The following SUPT16H variants were observed in gnomAD, a reference collection of about 807,000 sequenced individuals.
SUPT16H encodes the protein FACT complex subunit SPT16.
SUPT16H carries 24 observed loss-of-function variants against 136.2 expected under a neutral mutation model. The observed-to-expected ratio is 0.18, with a 90% CI of 0.13 to 0.25. The LOEUF is 0.25. SUPT16H is among the 10% of genes least tolerant of loss of function. The probability of loss-of-function intolerance (pLI) is 1.00; values close to 1 mark genes in which losing one functional copy is unlikely to be tolerated. For synonymous variants in SUPT16H, 415 were observed against 428.2 expected (o/e 0.97, Z 0.38); for missense variants, 623 against 1,270.2 (o/e 0.49, Z 7.74).
intron 1 of SUPT16H, 152 bp downstream of exon 1, chr14:21,383,710 C>A (rs764348598): frequency 1.2e-6 from 1 of 853,298 alleles, no homozygotes. Context: ...GCGTTCGTGG[C>A]CGCCTCCGGT....
chr14:21,378,706 T>C (rs567786377), intron 1 of SUPT16H, among the ~76,000 whole-genome samples: 1 of 152,266 alleles, frequency 6.6e-6, no homozygotes, highest in East Asian at 1.9e-4. Flanking sequence ...CGTTAAAAAT[T>C]CACAAATCAA....
Position 21,369,404 on chromosome 14 carries a change from G to C in SUPT16H, c.631-49C>G, listed in dbSNP as rs1348382400. 1.9e-6 allele frequency: 3 copies of C among 1,610,020 alleles called. No individual in the cohort carries two copies. In the Admixed American group the frequency reaches 5.0e-5, roughly 27 times the overall value. On this transcript the variant is annotated intron_variant, in intron 5 of 25. Transcript: ENST00000216297. The stretch of plus-strand genomic sequence containing the variant: ...GTAACACTTACTAGAGGGTAGCAAA[G>C]CGGGGTGTGTGGACACTATGATTTG...
intron 7 of SUPT16H, 124 bp from the exon 8 acceptor site, chr14:21,366,653 T>C: frequency 3.0e-6 from 2 of 663,816 alleles, no homozygotes; most frequent in Non-Finnish European, 4.6e-6. Flanking sequence ...AACAGTCCAC[T>C]CACTTTTTTT....
At chr14:21,376,449 A>C (rs1886903302) in intron 1 of SUPT16H, among the ~76,000 whole-genome samples, 1 of 152,150 alleles carries the variant, frequency 6.6e-6, no homozygotes, top group Admixed American at 6.6e-5. Context: ...GTTAATAAGG[A>C]TATATGATAG....
chr14:21,352,488 G>A lies in SUPT16H; in HGVS notation c.*185C>T, dbSNP rs1200213223. On this transcript the variant is annotated 3_prime_UTR_variant, in exon 26 of 26. Transcript: ENST00000216297. ...CCTTGCCATCTGAATGGGGCCATTG[G>A]CACGTGTCCTGGTGGGCCTGGAATT... The A allele has an allele frequency of 3.4e-6, 3 of 870,984 alleles. No individual in the cohort carries two copies. In the Admixed American group the frequency reaches 7.2e-5, roughly 21 times the overall value. The allele number at this position is 870,984 out of a possible 1,614,324, so 54.0% of individuals were successfully genotyped here.
At chr14:21,377,269 T>A (rs187619490) in intron 1 of SUPT16H, among the ~76,000 whole-genome samples, 1 of 152,184 alleles carries the variant, frequency 6.6e-6, no homozygotes, top group East Asian at 1.9e-4. Flanking sequence ...AAGAGACATA[T>A]CAAAGCACAT....
intron 8 of SUPT16H, among the ~76,000 whole-genome samples, chr14:21,366,104 A>C (rs1009974727): frequency 6.6e-6 from 1 of 152,198 alleles, no homozygotes; most frequent in Non-Finnish European, 1.5e-5. Context: ...GTCTCTAAAT[A>C]AAATATTAGG....
At chr14:21,383,540 A>G in intron 1 of SUPT16H, 2 of 665,614 alleles carry the variant, frequency 3.0e-6, no homozygotes, top group East Asian at 2.7e-5. Flanking sequence ...AGGGGAGGGC[A>G]GCAAGACGTG....
rs114553336 is a variant in SUPT16H at position 21,368,653 on chromosome 14, G to C, written c.783-212C>G. ...AAAAGTCAGTGACCAAAACTTTTAG[G>C]ATAAAAATTCAGTGAGTAAGTGAGT... On this transcript the variant is annotated intron_variant, in intron 6 of 25. Transcript: ENST00000216297. 4.7e-3 allele frequency among the ~76,000 whole-genome samples: 723 copies of C among 152,218 alleles called. 7 individuals are homozygous for C. Among genetic ancestry groups the C allele is most frequent in the African/African-American group, 0.017 (689 of 41,514 alleles).
Position 21,370,254 on chromosome 14 carries a change from C to T in SUPT16H, c.483+82G>A, listed in dbSNP as rs975074430. On this transcript the variant is annotated intron_variant, in intron 4 of 25. Coordinates refer to ENST00000216297, the MANE Select transcript of SUPT16H (RefSeq NM_007192.4). The stretch of plus-strand genomic sequence containing the variant: ...AAACATACAGTTTTCCCAAAACAAA[C>T]GTCCTGCACTATCTGTTATGGAAGC... 4.6e-5 allele frequency: 68 copies of T among 1,479,364 alleles called. No homozygotes were observed. In the East Asian group the frequency reaches 1.1e-3, roughly 23 times the overall value. The allele number at this position is 1,479,364 out of a possible 1,614,324, so 91.6% of individuals were successfully genotyped here.
intron 8 of SUPT16H, among the ~76,000 whole-genome samples, 184 bp from the exon 9 acceptor site, chr14:21,365,327 A>C (rs1472183496): frequency 6.6e-6 from 1 of 152,240 alleles, no homozygotes; most frequent in African/African-American, 2.4e-5. Flanking sequence ...CATGCTGTAT[A>C]ATCCCATGGC....
chr14:21,368,059 G>A (rs934076161), intron 7 of SUPT16H, among the ~76,000 whole-genome samples: 3 of 152,074 alleles, frequency 2.0e-5, no homozygotes, highest in East Asian at 3.8e-4. Flanking sequence ...GACCACAGGC[G>A]TGCACCACTA....
chr14:21,353,934 A>T, intron 23 of SUPT16H, 102 bp from the exon 24 acceptor site: 1 of 1,127,502 alleles, frequency 8.9e-7, no homozygotes, highest in Middle Eastern at 2.1e-4. Context: ...ACATGAAGAA[A>T]ACAAGAGCAA....
intron 8 of SUPT16H, among the ~76,000 whole-genome samples, chr14:21,365,759 CAAACCAAAACCAAAACCA>C (rs755461010): frequency 6.6e-6 from 1 of 151,448 alleles, no homozygotes; most frequent in Admixed American, 6.6e-5. Flanking sequence ...ATTGAATAAA[CAAACCAAAACCAAAACCA>C]AAACCAAAAC....
intron 2 of SUPT16H, among the ~76,000 whole-genome samples, chr14:21,372,949 T>A (rs547053192): frequency 1.3e-5 from 2 of 152,238 alleles, no homozygotes; most frequent in African/African-American, 2.4e-5. Context: ...GAAATTGAAA[T>A]TTTTTAAAGT....
intron 8 of SUPT16H, among the ~76,000 whole-genome samples, chr14:21,365,762 A>G (rs1886652167): frequency 1.4e-5 from 2 of 146,152 alleles, no homozygotes; most frequent in South Asian, 4.2e-4. Flanking sequence ...GAATAAACAA[A>G]CCAAAACCAA....
intron 4 of SUPT16H, 48 bp from the exon 5 acceptor site, chr14:21,369,944 A>G: frequency 6.3e-7 from 1 of 1,595,584 alleles, no homozygotes; most frequent in Non-Finnish European, 8.6e-7. Flanking sequence ...ACAGAATTAC[A>G]AAATAAATGC....
At chr14:21,376,796 C>T (rs1379550240) in intron 1 of SUPT16H, among the ~76,000 whole-genome samples, 4 of 152,060 alleles carry the variant, frequency 2.6e-5, no homozygotes, top group African/African-American at 9.7e-5. Flanking sequence ...TTTTAATATT[C>T]TATGTAAAGA....
At chr14:21,357,649 T>TA (rs1886463433) in intron 21 of SUPT16H, among the ~76,000 whole-genome samples, 1 of 151,320 alleles carries the variant, frequency 6.6e-6, no homozygotes, top group Non-Finnish European at 1.5e-5. Flanking sequence ...AAATAAAAAA[T>TA]AAAAAAAAGA....
Sources: gnomAD v4.1 joint callset for allele counts (sites outside exome capture counted in the v4.1 genomes callset) on GRCh38, gnomAD v4.1.1 for gene constraint, MANE v1.5 for transcripts, NCBI Gene and HGNC (gene_info 2026-07-23, HGNC 2026-07-21) for gene names.